GXYLT1: variants seen among roughly 807,000 people sequenced by gnomAD.
The protein encoded by GXYLT1 is glucoside xylosyltransferase 1, also known as glycosyltransferase 8 domain containing 3.
GXYLT1 carries 29 observed loss-of-function variants against 54.0 expected under a neutral mutation model. The observed-to-expected ratio is 0.54, with a 90% confidence interval of 0.40 to 0.73. The LOEUF is 0.73. Among genes scored for constraint, GXYLT1 ranks in the 30% least tolerant of loss-of-function variants. The pLI, the probability that GXYLT1 is intolerant of heterozygous loss-of-function variation, is 0.00. For synonymous variants in GXYLT1, 176 were observed against 204.1 expected, an observed-to-expected ratio of 0.86 and a Z score of 1.17; for missense variants, 490 against 553.4, an observed-to-expected ratio of 0.89 and a Z score of 1.15.
rs56387868 is a variant in GXYLT1 at position 42,137,762 on chromosome 12, G to GAAAA, written c.221+6660_221+6663dup. On this transcript the variant is annotated intron_variant, in intron 1 of 7. Coordinates refer to ENST00000398675, the MANE Select transcript of GXYLT1 (RefSeq NM_173601.2). ...ACAGAGCGAGACTCCATCTCAAATT[G>GAAAA]AAAAAAAAAAAAAAAAGTCAGTGAT... Among the ~76,000 whole-genome samples the GAAAA allele has an allele frequency of 3.3e-4, 35 of 107,180 alleles. 1 individual carries two copies. The highest frequency in any genetic ancestry group is 9.0e-4 in the African/African-American group (23 of 25,646). 70.3% of individuals were successfully genotyped at this position (107,180 alleles called of 152,430 possible).
intron 2 of GXYLT1, among the ~76,000 whole-genome samples, chr12:42,124,738 C>T (rs2065551010): frequency 6.6e-6 from 1 of 152,146 alleles, no homozygotes; most frequent in Non-Finnish European, 1.5e-5. Flanking sequence ...TTCATATGGG[C>T]ACTGGGGTAG....
chr12:42,125,089 G>A (rs1403889100), intron 2 of GXYLT1, among the ~76,000 whole-genome samples: 4 of 152,212 alleles, frequency 2.6e-5, no homozygotes, highest in African/African-American at 9.6e-5. Context: ...AGGAGACAGA[G>A]AAGGGAGATG....
chr12:42,126,132 G>A (rs952338691), intron 2 of GXYLT1, among the ~76,000 whole-genome samples: 6 of 150,778 alleles, frequency 4.0e-5, no homozygotes, highest in African/African-American at 9.8e-5. Flanking sequence ...GGAGTGCAGC[G>A]GTGTGGTATT....
chr12:42,134,981 C>T (rs1291173502), intron 1 of GXYLT1, among the ~76,000 whole-genome samples: 1 of 152,186 alleles, frequency 6.6e-6, no homozygotes, highest in Non-Finnish European at 1.5e-5. Flanking sequence ...TATTCACTCC[C>T]CACATTTAAC....
Position 42,134,676 on chromosome 12 carries a change from CCTT to C in GXYLT1, c.222-4828_222-4826del, listed in dbSNP as rs145342170. Among the ~76,000 whole-genome samples the C allele has an allele frequency of 2.4e-3, 367 of 152,328 alleles. 1 individual carries two copies. The highest frequency in any genetic ancestry group is 8.5e-3 in the African/African-American group (355 of 41,578). On this transcript the variant is annotated intron_variant, in intron 1 of 7. Transcript: ENST00000398675. ...ATGTTCCTATACCTGCAAACTTCCA[CCTT>C]CTTCTTTCACCGTACCTTTTCAGCA... is the stretch of plus-strand genomic sequence containing the variant.
Position 42,144,437 on chromosome 12 carries a change from G to T in GXYLT1, c.210C>A (p.Gly70=), listed in dbSNP as rs2065668876. The T allele has an allele frequency of 7.6e-7, 1 of 1,318,896 alleles. No individual in the cohort carries two copies. The highest frequency in any genetic ancestry group is 9.6e-7 in the Non-Finnish European group (1 of 1,040,404). 81.7% of individuals were successfully genotyped at this position (1,318,896 alleles called of 1,614,324 possible). A position where few individuals can be genotyped will look rare whatever the true frequency, so the allele number is the denominator to read the frequency against. Residue 70 remains glycine (G), a synonymous_variant, in exon 1 of 8, where the codon GGC becomes GGA. Transcript: ENST00000398675. ...GGAACTGCCCGTACCTGTCCGACAC[G>T]CCGGGATGCGCTGCGGGGCCCGCGA... The part of the protein sequence containing the change: ...AGVAGPAAHP[G]VSDRCKDFSL...
chr12:42,095,779 C>T (rs554119590), intron 7 of GXYLT1, among the ~76,000 whole-genome samples: 1 of 152,134 alleles, frequency 6.6e-6, no homozygotes, highest in Admixed American at 6.5e-5. Flanking sequence ...TGAAAGCATA[C>T]GGAAACGAAT....
At position 42,087,953 on chromosome 12, in the gene GXYLT1, GAA is replaced by G; in HGVS notation, c.1162-8_1162-7del. The G allele has an allele frequency of 6.9e-7, 1 of 1,456,452 alleles. No homozygotes were observed. The highest frequency in any genetic ancestry group is 9.2e-7 in the Non-Finnish European group (1 of 1,082,032). The allele number at this position is 1,456,452 out of a possible 1,614,324, so 90.2% of individuals were successfully genotyped here. A position where few individuals can be genotyped will look rare whatever the true frequency, so the allele number is the denominator to read the frequency against. On this transcript the variant is annotated splice_region_variant and splice_polypyrimidine_tract_variant and intron_variant, in intron 7 of 7. Transcript: ENST00000398675. ...TTGTCATCTTCAAAAGAACACTAGA[GAA>G]AGAAAATTTTAAAAAATAAAAAATT... is the stretch of plus-strand genomic sequence containing the variant.
intron 3 of GXYLT1, among the ~76,000 whole-genome samples, chr12:42,114,614 G>T (rs1038886580): frequency 6.6e-6 from 1 of 152,096 alleles, no homozygotes; most frequent in East Asian, 1.9e-4. Context: ...CCAACAACAG[G>T]CTCTGAAATT....
chr12:42,140,760 G>A (rs1473807906), intron 1 of GXYLT1, among the ~76,000 whole-genome samples: 1 of 152,154 alleles, frequency 6.6e-6, no homozygotes, highest in Non-Finnish European at 1.5e-5. Context: ...GACTCCAAGG[G>A]CTTGATGGGT....
chr12:42,124,732 T>C (rs56669009), intron 2 of GXYLT1, among the ~76,000 whole-genome samples: 1,717 of 152,328 alleles, frequency 0.011, 29 homozygotes, highest in African/African-American at 0.038. Flanking sequence ...ACTCCTTTCA[T>C]ATGGGCACTG....
At chr12:42,126,514 A>G (rs993562057) in intron 2 of GXYLT1, among the ~76,000 whole-genome samples, 16 of 152,208 alleles carry the variant, frequency 1.1e-4, no homozygotes, top group African/African-American at 3.4e-4. Context: ...CAGCACTTTG[A>G]GAGGCAATGG....
At chr12:42,095,070 G>T (rs2065348227) in intron 7 of GXYLT1, among the ~76,000 whole-genome samples, 1 of 152,114 alleles carries the variant, frequency 6.6e-6, no homozygotes, top group African/African-American at 2.4e-5. Context: ...TCACTCGTAA[G>T]AGAAATGCAA....
chr12:42,142,547 C>T (rs1368215651), intron 1 of GXYLT1, among the ~76,000 whole-genome samples: 1 of 151,782 alleles, frequency 6.6e-6, no homozygotes, highest in East Asian at 1.9e-4. Flanking sequence ...GGGTTGTTGA[C>T]GAGGCTGGTG....
intron 5 of GXYLT1, among the ~76,000 whole-genome samples, chr12:42,104,598 A>G (rs865420): frequency 0.77 from 116,962 of 151,788 alleles, 45,454 homozygotes; most frequent in African/African-American, 0.85. Context: ...CAGAATAGAC[A>G]AGTGACAGGT....
chr12:42,129,539 T>C (rs955133730), intron 2 of GXYLT1, among the ~76,000 whole-genome samples: 4 of 152,184 alleles, frequency 2.6e-5, no homozygotes, highest in African/African-American at 9.7e-5. Flanking sequence ...AACAGTGGTT[T>C]GTCTTAATAA....
chr12:42,110,695 T>A (rs1038909541), intron 3 of GXYLT1, among the ~76,000 whole-genome samples: 6 of 152,150 alleles, frequency 3.9e-5, no homozygotes, highest in African/African-American at 1.4e-4. Context: ...GGACTACAGG[T>A]GCATGCCACC....
intron 7 of GXYLT1, among the ~76,000 whole-genome samples, chr12:42,092,370 C>T (rs1002792472): frequency 3.3e-5 from 5 of 152,186 alleles, no homozygotes; most frequent in Admixed American, 1.3e-4. Context: ...ATTAATACTT[C>T]TTCCTTAGTA....
intron 3 of GXYLT1, among the ~76,000 whole-genome samples, chr12:42,110,010 T>C (rs999085495): frequency 6.6e-6 from 1 of 152,184 alleles, no homozygotes; most frequent in East Asian, 1.9e-4. Context: ...TAAATTCTCT[T>C]AATCCATTAA....
Sources: allele counts gnomAD v4.1 joint callset (sites outside exome capture counted in the v4.1 genomes callset), GRCh38; gene constraint gnomAD v4.1.1; transcripts MANE v1.5; gene names NCBI Gene and HGNC (gene_info 2026-07-23, HGNC 2026-07-21).